TTC17: variants seen among roughly 807,000 people sequenced by gnomAD.
TTC17 encodes tetratricopeptide repeat protein 17.
TTC17 carries 58 observed loss-of-function variants against 143.8 expected under a neutral mutation model. That is an observed-to-expected ratio of 0.40 (90% CI 0.33 to 0.50). TTC17 has a LOEUF of 0.50. Ranked by LOEUF, TTC17 falls within the 20% of genes least tolerant of loss-of-function variation. The pLI is 0.49. For synonymous variants in TTC17, 501 were observed against 497.8 expected, an observed-to-expected ratio of 1.01 and a Z score of -0.09; for missense variants, 1,273 against 1,392.5, an observed-to-expected ratio of 0.91 and a Z score of 1.37.
At chr11:43,468,684 C>T (rs1353926220) in intron 21 of TTC17, among the ~76,000 whole-genome samples, 1 of 152,134 alleles carries the variant, frequency 6.6e-6, no homozygotes, top group Non-Finnish European at 1.5e-5. Flanking sequence ...CCTCCAATCC[C>T]ATCACCTTGG....
At chr11:43,442,187 AC>A (rs1947438473) in intron 16 of TTC17, among the ~76,000 whole-genome samples, 1 of 152,226 alleles carries the variant, frequency 6.6e-6, no homozygotes, top group African/African-American at 2.4e-5. Flanking sequence ...CAGAAAAGGT[AC>A]AGGGGAAATA....
chr11:43,430,142 A>AG (rs1320777700), intron 16 of TTC17, among the ~76,000 whole-genome samples: 2 of 152,206 alleles, frequency 1.3e-5, no homozygotes, highest in African/African-American at 4.8e-5. Flanking sequence ...AACAAACTAG[A>AG]GGGGGCTGAG....
At chr11:43,452,427 G>A (rs1026384925) in intron 21 of TTC17, among the ~76,000 whole-genome samples, 6 of 152,182 alleles carry the variant, frequency 3.9e-5, no homozygotes, top group Non-Finnish European at 8.8e-5. Flanking sequence ...TGCTAACCCA[G>A]GAGGCGGAGG....
chr11:43,407,670 A>G, intron 15 of TTC17, 93 bp downstream of exon 15: 1 of 1,228,768 alleles, frequency 8.1e-7, no homozygotes. Flanking sequence ...AAGCATAAAA[A>G]ATGTCATGTT....
At chr11:43,484,149 G>A (rs886279895) in intron 21 of TTC17, among the ~76,000 whole-genome samples, 3 of 151,980 alleles carry the variant, frequency 2.0e-5, no homozygotes, top group Admixed American at 2.0e-4. Context: ...CTCAAAAAAA[G>A]AAAGAAATAA....
At chr11:43,458,699 T>A (rs1177002399) in intron 21 of TTC17, among the ~76,000 whole-genome samples, 1 of 152,152 alleles carries the variant, frequency 6.6e-6, no homozygotes, top group Admixed American at 6.5e-5. Context: ...AGTCTACTTG[T>A]GTACAGTAGT....
At chr11:43,377,668 C>T (rs1856813712) in intron 1 of TTC17, among the ~76,000 whole-genome samples, 1 of 152,144 alleles carries the variant, frequency 6.6e-6, no homozygotes, top group South Asian at 2.1e-4. Flanking sequence ...TGTATCTTTG[C>T]TGAACTAAAA....
chr11:43,451,423 C>T (rs1041022512), intron 21 of TTC17, among the ~76,000 whole-genome samples, 158 bp downstream of exon 21: 1 of 152,170 alleles, frequency 6.6e-6, no homozygotes, highest in African/African-American at 2.4e-5. Context: ...ATGTTTCAGT[C>T]GCTTTTTCTA....
At chr11:43,454,832 G>A (rs530919701) in intron 21 of TTC17, among the ~76,000 whole-genome samples, 1 of 151,998 alleles carries the variant, frequency 6.6e-6, no homozygotes, top group South Asian at 2.1e-4. Context: ...GAGACTCAGG[G>A]AGATTCAGAG....
Position 43,367,260 on chromosome 11 carries a change from G to A in TTC17, c.159+8147G>A, listed in dbSNP as rs185141362. 4.1e-3 allele frequency among the ~76,000 whole-genome samples: 618 copies of A among 152,286 alleles called. 17 individuals are homozygous for A. The highest frequency in any genetic ancestry group is 0.036 in the Admixed American group (552 of 15,284). ...AGATGAGAAGAGCCATAATTTCAGA[G>A]ATCATTCCTGCTTACCTACTGTAGT... is the stretch of plus-strand genomic sequence containing the variant. On this transcript the variant is annotated intron_variant, in intron 1 of 23. Coordinates refer to ENST00000039989, the MANE Select transcript of TTC17 (RefSeq NM_018259.6).
At chr11:43,415,365 T>C (rs1946753461) in intron 16 of TTC17, among the ~76,000 whole-genome samples, 1 of 152,204 alleles carries the variant, frequency 6.6e-6, no homozygotes, top group South Asian at 2.1e-4. Flanking sequence ...ACTTTCGTTA[T>C]TAGAACCTTC....
chr11:43,379,722 A>T (rs1856893175), intron 2 of TTC17, among the ~76,000 whole-genome samples: 1 of 152,192 alleles, frequency 6.6e-6, no homozygotes. Flanking sequence ...ATTATTGTTT[A>T]TTCTCAGGTA....
At chr11:43,427,555 C>G (rs544000568) in intron 16 of TTC17, among the ~76,000 whole-genome samples, 49 of 152,156 alleles carry the variant, frequency 3.2e-4, no homozygotes, top group African/African-American at 1.2e-3. Flanking sequence ...TTCTGCAGCT[C>G]TATCCCATAA....
At chr11:43,404,787 ATTTAAGT>A (rs150299675) in intron 11 of TTC17, among the ~76,000 whole-genome samples, 12,603 of 152,204 alleles carry the variant, frequency 0.083, 855 homozygotes, top group Admixed American at 0.23. Context: ...TAGCTTGAAG[ATTTAAGT>A]TTAGTAAGCC....
intron 21 of TTC17, among the ~76,000 whole-genome samples, chr11:43,467,861 T>C (rs1342253662): frequency 6.7e-6 from 1 of 149,026 alleles, no homozygotes; most frequent in Non-Finnish European, 1.5e-5. Flanking sequence ...ATAAAGGACA[T>C]GTGGGACACA....
chr11:43,440,054 T>C (rs1334539746), intron 16 of TTC17, among the ~76,000 whole-genome samples: 1 of 152,248 alleles, frequency 6.6e-6, no homozygotes, highest in Non-Finnish European at 1.5e-5. Flanking sequence ...GCAGCAAGCC[T>C]AAGATTTACT....
At chr11:43,373,935 G>C (rs1856665682) in intron 1 of TTC17, among the ~76,000 whole-genome samples, 1 of 152,218 alleles carries the variant, frequency 6.6e-6, no homozygotes, top group Non-Finnish European at 1.5e-5. Context: ...AGACTGGTCA[G>C]ATGCATATTT....
At chr11:43,436,062 C>CA in intron 16 of TTC17, 1 of 1,020,034 alleles carries the variant, frequency 9.8e-7, no homozygotes, top group Non-Finnish European at 1.3e-6. Flanking sequence ...GAAAAACCGG[C>CA]ATTGTCACAT....
chr11:43,403,726 C>G (rs1275584702), intron 10 of TTC17, among the ~76,000 whole-genome samples: 1 of 126,452 alleles, frequency 7.9e-6, no homozygotes, highest in African/African-American at 2.6e-5. Context: ...GAGACTAAAT[C>G]ATAAAAATGA....
Sources: allele counts gnomAD v4.1 joint callset (sites outside exome capture counted in the v4.1 genomes callset), GRCh38; gene constraint gnomAD v4.1.1; transcripts MANE v1.5; gene names NCBI Gene and HGNC (gene_info 2026-07-23, HGNC 2026-07-21).